Variants in ATP8A2 observed in about 807,000 individuals in gnomAD.
ATP8A2 encodes ATPase phospholipid transporting 8A2, also known as phospholipid-transporting ATPase IB.
ATP8A2 carries 100 observed loss-of-function variants against 165.6 expected under a neutral mutation model. That is an observed-to-expected ratio of 0.60 (90% confidence interval 0.51 to 0.71). The LOEUF (loss-of-function observed/expected upper bound fraction) is 0.71. Among genes scored for constraint, ATP8A2 ranks in the 30% least tolerant of loss-of-function variants. The pLI, the probability that ATP8A2 is intolerant of heterozygous loss-of-function variation, is 0.00. For missense variants in ATP8A2, 1,227 were observed against 1,479.5 expected (o/e 0.83, Z 2.80); for synonymous variants, 543 against 548.8 (o/e 0.99, Z 0.15).
intron 24 of ATP8A2, among the ~76,000 whole-genome samples, chr13:25,599,869 A>T (rs906024059): frequency 2.0e-5 from 3 of 152,188 alleles, no homozygotes; most frequent in Admixed American, 2.0e-4. Context: ...CAGTGCCTTC[A>T]AACCCAAGCA....
chr13:25,801,996 A>T (rs1402230916), intron 27 of ATP8A2, among the ~76,000 whole-genome samples: 1 of 152,154 alleles, frequency 6.6e-6, no homozygotes, highest in Non-Finnish European at 1.5e-5. Flanking sequence ...TGCCCCCATG[A>T]TTCAATTACC....
intron 33 of ATP8A2, among the ~76,000 whole-genome samples, chr13:25,945,728 C>T (rs1480563202): frequency 6.6e-6 from 1 of 152,154 alleles, no homozygotes; most frequent in Non-Finnish European, 1.5e-5. Context: ...GAGAAAATGT[C>T]TCATCAAGGG....
chr13:26,006,679 A>C (rs1163267814), intron 35 of ATP8A2, among the ~76,000 whole-genome samples: 1 of 151,890 alleles, frequency 6.6e-6, no homozygotes, highest in Non-Finnish European at 1.5e-5. Context: ...ATGATAAGGA[A>C]TTTCCCTTAT....
chr13:25,992,382 T>C (rs1229489034), intron 35 of ATP8A2, among the ~76,000 whole-genome samples: 1 of 152,146 alleles, frequency 6.6e-6, no homozygotes, highest in Non-Finnish European at 1.5e-5. Flanking sequence ...TCATGGCCTT[T>C]GACCATTTTC....
intron 2 of ATP8A2, among the ~76,000 whole-genome samples, chr13:25,481,194 AG>A (rs1486977817): frequency 1.4e-5 from 2 of 147,622 alleles, no homozygotes; most frequent in African/African-American, 5.2e-5. Flanking sequence ...GGAGAGGGAC[AG>A]GGAGAGGAAC....
chr13:25,912,763 A>C (rs1954156026), intron 33 of ATP8A2, among the ~76,000 whole-genome samples: 1 of 152,152 alleles, frequency 6.6e-6, no homozygotes, highest in African/African-American at 2.4e-5. Context: ...TTTGGGTTGT[A>C]ATTCCAATCA....
intron 25 of ATP8A2, among the ~76,000 whole-genome samples, chr13:25,735,384 C>T (rs1291565052): frequency 6.6e-6 from 1 of 152,074 alleles, no homozygotes; most frequent in Non-Finnish European, 1.5e-5. Flanking sequence ...TTCAGCCTCT[C>T]AATTAGCTGG....
At chr13:25,835,616 A>G (rs1265085438) in intron 28 of ATP8A2, among the ~76,000 whole-genome samples, 1 of 152,012 alleles carries the variant, frequency 6.6e-6, no homozygotes, top group Non-Finnish European at 1.5e-5. Flanking sequence ...CATTCCCAGA[A>G]CCAAGCAGGA....
intron 33 of ATP8A2, among the ~76,000 whole-genome samples, chr13:25,898,136 T>C (rs1156833027): frequency 6.6e-6 from 1 of 152,132 alleles, no homozygotes; most frequent in African/African-American, 2.4e-5. Context: ...TTCTGCTCTG[T>C]TTTTTCCCCA....
intron 1 of ATP8A2, among the ~76,000 whole-genome samples, chr13:25,394,677 G>A (rs1276014469): frequency 1.3e-5 from 2 of 152,128 alleles, no homozygotes; most frequent in Non-Finnish European, 2.9e-5. Context: ...ATTTTGAGCT[G>A]AAGGCAATTA....
chr13:25,572,123 ATCTCTCTC>A lies in ATP8A2; in HGVS notation c.1662+449_1662+456del, dbSNP rs10552616. On this transcript the variant is annotated intron_variant, in intron 18 of 36. Coordinates refer to ENST00000381655, the MANE Select transcript of ATP8A2 (RefSeq NM_016529.6). ...AGCTGGGAGAGGAGTCAGCGTTAAG[ATCTCTCTC>A]TCTCTCTCTCTCTCTCTTTTTGAGA... Among the ~76,000 whole-genome samples the A allele has an allele frequency of 7.1e-3, 1,060 of 149,552 alleles. 12 individuals carry two copies. Among genetic ancestry groups the A allele is most frequent in the Middle Eastern group, 0.014 (4 of 286 alleles).
At chr13:25,895,041 G>A (rs1444029891) in intron 33 of ATP8A2, among the ~76,000 whole-genome samples, 5 of 152,172 alleles carry the variant, frequency 3.3e-5, no homozygotes, top group Admixed American at 1.3e-4. Context: ...TCTCCTGCCT[G>A]ATTGCCCTGG....
At chr13:25,495,807 C>CATGG (rs1263715878) in intron 2 of ATP8A2, among the ~76,000 whole-genome samples, 6 of 151,964 alleles carry the variant, frequency 3.9e-5, no homozygotes, top group Non-Finnish European at 8.8e-5. Flanking sequence ...TTATACTTCC[C>CATGG]ATGGCTGTGT....
chr13:25,416,153 ACATT>A (rs1247926361), intron 1 of ATP8A2, among the ~76,000 whole-genome samples: 4 of 152,164 alleles, frequency 2.6e-5, no homozygotes, highest in Non-Finnish European at 5.9e-5. Context: ...AATACGTTAT[ACATT>A]CATTCATTTA....
At chr13:25,659,462 T>C (rs1020300172) in intron 24 of ATP8A2, among the ~76,000 whole-genome samples, 2 of 152,160 alleles carry the variant, frequency 1.3e-5, no homozygotes, top group Non-Finnish European at 2.9e-5. Flanking sequence ...CTCTGCCCTT[T>C]CTCCAGTATT....
intron 33 of ATP8A2, among the ~76,000 whole-genome samples, chr13:25,874,086 A>T (rs538794650): frequency 6.6e-6 from 1 of 152,332 alleles, no homozygotes; most frequent in Admixed American, 6.5e-5. Flanking sequence ...CCGGAGCCAG[A>T]GTGATCTTGC....
At chr13:25,535,062 A>G (rs983438898) in intron 6 of ATP8A2, among the ~76,000 whole-genome samples, 3 of 152,298 alleles carry the variant, frequency 2.0e-5, no homozygotes, top group South Asian at 2.1e-4. Flanking sequence ...GGGAGGGGCC[A>G]CCTACCTAGA....
intron 2 of ATP8A2, among the ~76,000 whole-genome samples, chr13:25,497,802 A>C (rs1002157885): frequency 1.3e-5 from 2 of 151,842 alleles, no homozygotes; most frequent in Non-Finnish European, 2.9e-5. Context: ...AAAAATAAAA[A>C]ATAAAAAAAA....
rs142929262 is a variant in ATP8A2, at chr13:25,518,900, G to C, written c.222-11099G>C. On this transcript the variant is annotated intron_variant, in intron 2 of 36. Coordinates refer to ENST00000381655, the MANE Select transcript of ATP8A2 (RefSeq NM_016529.6). Reference sequence around the variant, plus strand: ...AGTTGGGCTCCTCAGAGGAGGGTTTGCAGATAGATATTATTGTCAGGTTTT... The same window carrying C: ...AGTTGGGCTCCTCAGAGGAGGGTTTCCAGATAGATATTATTGTCAGGTTTT... Among the ~76,000 whole-genome samples, 736 of 152,302 alleles carry C rather than the reference G, an allele frequency of 4.8e-3. 7 individuals carry two copies. Among genetic ancestry groups the C allele is most frequent in the African/African-American group, 0.017 (708 of 41,552 alleles).
Sources: allele counts gnomAD v4.1 joint callset (sites outside exome capture counted in the v4.1 genomes callset), GRCh38; gene constraint gnomAD v4.1.1; transcripts MANE v1.5; gene names NCBI Gene and HGNC (gene_info 2026-07-23, HGNC 2026-07-21).